Variants in UPP1 observed in about 807,000 individuals in gnomAD.
UPP1 encodes uridine phosphorylase 1.
UPP1 carries 25 observed loss-of-function variants against 29.6 expected under a neutral mutation model. That is an observed-to-expected ratio of 0.85 (90% CI 0.62 to 1.18). The LOEUF (loss-of-function observed/expected upper bound fraction) is 1.18. Among genes scored for constraint, UPP1 ranks in the 50% most tolerant of loss-of-function variants. The probability of loss-of-function intolerance (pLI) is 0.00; values close to 1 mark genes in which losing one functional copy is unlikely to be tolerated. For missense variants in UPP1, 368 were observed against 410.4 expected (o/e 0.90, Z 0.89); for synonymous variants, 165 against 159.8 (o/e 1.03, Z -0.25).
At chr7:48,091,535 C>T (rs934410533) in intron 2 of UPP1, among the ~76,000 whole-genome samples, 2 of 152,102 alleles carry the variant, frequency 1.3e-5, no homozygotes, top group South Asian at 2.1e-4. Context: ...CATTTCCTTA[C>T]GGAAGTTGGA....
At chr7:48,089,953 G>A (rs1314611310) in intron 1 of UPP1, among the ~76,000 whole-genome samples, 1 of 152,196 alleles carries the variant, frequency 6.6e-6, no homozygotes, top group African/African-American at 2.4e-5. Context: ...GGGAGAAGGG[G>A]GTAAAATTTC....
intron 2 of UPP1, among the ~76,000 whole-genome samples, chr7:48,092,925 A>T (rs186281944): frequency 9.2e-4 from 140 of 152,034 alleles, no homozygotes; most frequent in African/African-American, 3.3e-3. Flanking sequence ...GCTGGTCTTG[A>T]ACTCCTGACC....
rs1197127098 is a variant in UPP1, at chr7:48,106,956, A to G, written c.520A>G (p.Lys174Glu). 1 of 1,613,288 alleles carries G rather than the reference A, an allele frequency of 6.2e-7. No homozygotes were observed. Among genetic ancestry groups the G allele is most frequent in the African/African-American group, 1.3e-5 (1 of 74,868 alleles). ...AGAGTTTGAGCAGATTGTCCTGGGG[A>G]AGCGGGTCATCCGGAAAACGGACCT... ...KAEFEQIVLG[K>E]RVIRKTDLNK... is the part of the protein sequence containing the mutation. Residue 174 changes from lysine to glutamate, a missense_variant, in exon 7 of 9, where the codon AAG becomes GAG. Physicochemically the swap from Lys to Glu is moderately conservative, Grantham distance 56. Transcript: ENST00000395564.
chr7:48,103,847 A>T, intron 6 of UPP1: 2 of 1,289,928 alleles, frequency 1.6e-6, no homozygotes, highest in Non-Finnish European at 2.0e-6. Flanking sequence ...GAGGCGCAGT[A>T]CAAAACTCAG....
chr7:48,091,536 G>A (rs988404539), intron 2 of UPP1, among the ~76,000 whole-genome samples: 4 of 152,168 alleles, frequency 2.6e-5, no homozygotes, highest in Admixed American at 6.5e-5. Context: ...ATTTCCTTAC[G>A]GAAGTTGGAG....
intron 3 of UPP1, among the ~76,000 whole-genome samples, chr7:48,095,114 A>G (rs1018902249): frequency 3.3e-5 from 5 of 152,166 alleles, no homozygotes; most frequent in African/African-American, 9.7e-5. Flanking sequence ...TTTTTCCTCT[A>G]TGTGCCAATT....
chr7:48,103,833 G>A (rs779302440), intron 6 of UPP1: 1 of 1,289,926 alleles, frequency 7.8e-7, no homozygotes, highest in Admixed American at 2.3e-5. Context: ...AAGGGGGGAA[G>A]AGAGAGGCGC....
intron 3 of UPP1, 94 bp downstream of exon 3, chr7:48,094,921 A>ATAT: frequency 7.2e-7 from 1 of 1,386,676 alleles, no homozygotes; most frequent in Middle Eastern, 1.8e-4. Context: ...GACTTGACAT[A>ATAT]TATTAACACA....
intron 3 of UPP1, among the ~76,000 whole-genome samples, chr7:48,097,444 G>T (rs1792183172): frequency 6.6e-6 from 1 of 151,736 alleles, no homozygotes; most frequent in Non-Finnish European, 1.5e-5. Flanking sequence ...ATGTTGCCCT[G>T]GCTAGTCTCG....
chr7:48,107,352 G>T lies in UPP1; in HGVS notation c.647-9G>T, dbSNP rs764869057. On this transcript the variant is annotated splice_polypyrimidine_tract_variant and intron_variant, in intron 7 of 8. Transcript: ENST00000395564. ...GCATGTGGTTCTCATGTCTCCATGT[G>T]TGCCTCAGGGCAAGGCCGTCTGGAT... 10 of 1,605,946 alleles carry T rather than the reference G, an allele frequency of 6.2e-6. No homozygotes were observed. Among genetic ancestry groups the T allele is most frequent in the Non-Finnish European group, 8.5e-6 (10 of 1,175,032 alleles).
chr7:48,091,468 A>C (rs765134931), intron 2 of UPP1, among the ~76,000 whole-genome samples: 14 of 152,072 alleles, frequency 9.2e-5, no homozygotes, highest in Non-Finnish European at 1.5e-5. Flanking sequence ...TGGGGAGGGG[A>C]GCGAAGAGCA....
chr7:48,091,238 ATTTGAG>A (rs1025607156), intron 2 of UPP1, among the ~76,000 whole-genome samples: 6 of 150,852 alleles, frequency 4.0e-5, no homozygotes, highest in African/African-American at 1.5e-4. Flanking sequence ...TACCAATCTG[ATTTGAG>A]TTTAACGGGT....
At chr7:48,091,359 G>A (rs562510623) in intron 2 of UPP1, among the ~76,000 whole-genome samples, 1 of 149,496 alleles carries the variant, frequency 6.7e-6, no homozygotes, top group East Asian at 2.0e-4. Context: ...TCACCGAAAA[G>A]ACTCTTCCTT....
intron 6 of UPP1, chr7:48,103,844 A>T (rs1792571356): frequency 3.9e-6 from 5 of 1,289,956 alleles, no homozygotes; most frequent in Non-Finnish European, 5.1e-6. Flanking sequence ...AGAGAGGCGC[A>T]GTACAAAACT....
At chr7:48,096,563 A>G (rs1451591663) in intron 3 of UPP1, among the ~76,000 whole-genome samples, 3 of 151,096 alleles carry the variant, frequency 2.0e-5, no homozygotes, top group Non-Finnish European at 2.9e-5. Flanking sequence ...TGTCTCACCC[A>G]TCTCATTTTC....
At position 48,101,733 on chromosome 7, in the gene UPP1, G is replaced by A. The variant is rs1792432565; in HGVS notation, c.163-91G>A. On this transcript the variant is annotated intron_variant, in intron 4 of 8. Coordinates refer to ENST00000395564, the MANE Select transcript of UPP1 (RefSeq NM_003364.4). ...AACTTATATTTTTAGCAAGTTCATT[G>A]GTAATACTGATGTTGCTGGTCTAGG... is the stretch of plus-strand genomic sequence containing the variant. The A allele has an allele frequency of 3.6e-6, 5 of 1,380,918 alleles. 1 individual carries two copies. In the South Asian group the frequency reaches 6.9e-5, roughly 19 times the overall value. The allele number at this position is 1,380,918 out of a possible 1,614,324, so 85.5% of individuals were successfully genotyped here.
At chr7:48,102,097 G>A in intron 5 of UPP1, 115 bp downstream of exon 5, 1 of 1,213,518 alleles carries the variant, frequency 8.2e-7, no homozygotes, top group East Asian at 2.6e-5. Context: ...TAAATGGCTG[G>A]GAGCAGGGTG....
chr7:48,094,860 G>A (rs778466788), intron 3 of UPP1, 33 bp downstream of exon 3: 2 of 1,610,572 alleles, frequency 1.2e-6, no homozygotes, highest in South Asian at 2.2e-5. Flanking sequence ...GTTGGGTTGG[G>A]TGGGGTTGGG....
chr7:48,096,775 C>G (rs1460632969), intron 3 of UPP1, among the ~76,000 whole-genome samples: 1 of 152,168 alleles, frequency 6.6e-6, no homozygotes, highest in Non-Finnish European at 1.5e-5. Flanking sequence ...TCTCAGCTCA[C>G]TGCAACCTCT....
Sources: gnomAD v4.1 joint callset for allele counts (sites outside exome capture counted in the v4.1 genomes callset) on GRCh38, gnomAD v4.1.1 for gene constraint, MANE v1.5 for transcripts, NCBI Gene and HGNC (gene_info 2026-07-23, HGNC 2026-07-21) for gene names.